The following TMEM273 variants were observed in gnomAD, a reference collection of about 807,000 sequenced individuals.
TMEM273 encodes the protein transmembrane protein 273, also known as chromosome 10 open reading frame 128.
Under a neutral mutation model 17.9 loss-of-function variants are expected in TMEM273, and 19 were observed. The ratio of observed to expected loss-of-function variants is 1.06; its 90% CI spans 0.74 to 1.55. The LOEUF is 1.55. Ranked by LOEUF, TMEM273 falls within the 40% of genes most tolerant of loss-of-function variation. The probability of loss-of-function intolerance (pLI) is 0.00; values close to 1 mark genes in which losing one functional copy is unlikely to be tolerated. For missense variants in TMEM273, 194 were observed against 155.6 expected (o/e 1.25, Z -1.31); for synonymous variants, 66 against 62.0 (o/e 1.07, Z -0.31).
At chr10:49,157,161 G>A (rs1845561243) in intron 6 of TMEM273, among the ~76,000 whole-genome samples, 2 of 152,228 alleles carry the variant, frequency 1.3e-5, no homozygotes. Context: ...GGCAGCCCAA[G>A]AGAGCAGCCT....
At chr10:49,173,869 C>T (rs961186465) in intron 1 of TMEM273, among the ~76,000 whole-genome samples, 3 of 152,100 alleles carry the variant, frequency 2.0e-5, no homozygotes, top group African/African-American at 4.8e-5. Flanking sequence ...CAAGGGGGGG[C>T]GATAGCGTTT....
chr10:49,165,905 C>G, intron 3 of TMEM273, 109 bp from the exon 4 acceptor site: 1 of 1,417,300 alleles, frequency 7.1e-7, no homozygotes, highest in Non-Finnish European at 9.9e-7. Context: ...CACGGTTGCC[C>G]TCGAGAGACC....
intron 1 of TMEM273, among the ~76,000 whole-genome samples, chr10:49,173,599 C>G (rs753772230): frequency 6.6e-6 from 1 of 152,208 alleles, no homozygotes; most frequent in Non-Finnish European, 1.5e-5. Flanking sequence ...ACCTCTCCCC[C>G]GCACTGTTGG....
chr10:49,186,116 A>AGAG, intron 1 of TMEM273, among the ~76,000 whole-genome samples: 1 of 143,614 alleles, frequency 7.0e-6, no homozygotes, highest in East Asian at 2.0e-4. Flanking sequence ...AAGAGGAAGA[A>AGAG]GAAGAAAAAG....
In TMEM273 at chr10:49,154,863, C is replaced by G. The variant is rs762464561; in HGVS notation, c.*1029G>C. The G allele has an allele frequency of 6.6e-6, 1 of 152,178 alleles. No individual in the cohort carries two copies. 9.4% of individuals were successfully genotyped at this position (152,178 alleles called of 1,614,324 possible). A position where few individuals can be genotyped will look rare whatever the true frequency, so the allele number is the denominator to read the frequency against. ...CATCGTTATCAAGTTGGGTAAGAGACGCCCTGGGAGTCCAGGCAAATCATG... is the reference window on the plus strand; with the variant it reads ...CATCGTTATCAAGTTGGGTAAGAGAGGCCCTGGGAGTCCAGGCAAATCATG... On this transcript the variant is annotated 3_prime_UTR_variant, in exon 7 of 7. Transcript: ENST00000374153.
intron 5 of TMEM273, among the ~76,000 whole-genome samples, chr10:49,163,620 T>C (rs1458773364): frequency 2.6e-5 from 4 of 152,122 alleles, no homozygotes; most frequent in Admixed American, 6.5e-5. Flanking sequence ...GGATGATAAG[T>C]TATATATCCT....
intron 1 of TMEM273, among the ~76,000 whole-genome samples, chr10:49,186,051 G>A (rs1256585205): frequency 1.4e-5 from 2 of 144,320 alleles, no homozygotes; most frequent in Non-Finnish European, 3.0e-5. Flanking sequence ...AGAAGAAGAA[G>A]AGGAAGAAGA....
intron 6 of TMEM273, among the ~76,000 whole-genome samples, chr10:49,156,638 T>C (rs768548311): frequency 1.2e-4 from 18 of 152,220 alleles, no homozygotes; most frequent in Non-Finnish European, 2.5e-4. Flanking sequence ...CCATTGTGTA[T>C]ATTCAGTCAC....
chr10:49,174,902 C>T lies in TMEM273; in HGVS notation c.44-6940G>A, dbSNP rs145578125. ...GGCAGTGATTAAGGAATTCCACATACGGCAGTCCCTGCTAATGCGTGAAAG... is the reference window on the plus strand; with the variant it reads ...GGCAGTGATTAAGGAATTCCACATATGGCAGTCCCTGCTAATGCGTGAAAG... On this transcript the variant is annotated intron_variant, in intron 1 of 6. Coordinates refer to ENST00000374153, the MANE Select transcript of TMEM273 (RefSeq NM_001288740.3). Among the ~76,000 whole-genome samples the T allele has an allele frequency of 1.1e-3, 170 of 152,208 alleles. 2 individuals are homozygous for T. In the East Asian group the frequency reaches 0.026, roughly 23 times the overall value.
chr10:49,164,756 C>A (rs987142592), intron 5 of TMEM273, among the ~76,000 whole-genome samples: 1 of 152,140 alleles, frequency 6.6e-6, no homozygotes, highest in Non-Finnish European at 1.5e-5. Flanking sequence ...TGAGGCTCCC[C>A]TGCACCTCCT....
chr10:49,173,797 T>G (rs1228707629), intron 1 of TMEM273, among the ~76,000 whole-genome samples: 1 of 152,066 alleles, frequency 6.6e-6, no homozygotes, highest in Non-Finnish European at 1.5e-5. Context: ...AGAGATAAGA[T>G]CTAGTGTAAG....
rs187523934 is a variant in TMEM273, at chr10:49,155,522, G to C, written c.*370C>G. On this transcript the variant is annotated 3_prime_UTR_variant, in exon 7 of 7. Coordinates refer to ENST00000374153, the MANE Select transcript of TMEM273 (RefSeq NM_001288740.3). ...GGCAGTGTGTAGGAAGCTGTGTGTT[G>C]GGTCGGATTCCCCTTTTCATGAGCC... The C allele has an allele frequency of 3.2e-4, 98 of 308,512 alleles. No homozygotes were observed. The highest frequency in any genetic ancestry group is 2.0e-3 in the African/African-American group (91 of 46,434). The allele number at this position is 308,512 out of a possible 1,614,324, so 19.1% of individuals were successfully genotyped here.
At chr10:49,185,926 C>T (rs560437848) in intron 1 of TMEM273, among the ~76,000 whole-genome samples, 7 of 150,872 alleles carry the variant, frequency 4.6e-5, no homozygotes, top group South Asian at 2.1e-4. Context: ...TGCGGTGAGC[C>T]GAGATCGCGC....
At chr10:49,170,728 G>A (rs1246172988) in intron 1 of TMEM273, among the ~76,000 whole-genome samples, 1 of 152,174 alleles carries the variant, frequency 6.6e-6, no homozygotes, top group Non-Finnish European at 1.5e-5. Context: ...CCTCCTCAGG[G>A]AGGGAAATCC....
At position 49,155,533 on chromosome 10, in the gene TMEM273, C is replaced by CGTAT; in HGVS notation, c.*358_*359insATAC. 6.0e-6 allele frequency: 2 copies of CGTAT among 331,942 alleles called. No individual in the cohort carries two copies. Among genetic ancestry groups the CGTAT allele is most frequent in the Non-Finnish European group, 1.1e-5 (2 of 179,932 alleles). The allele number at this position is 331,942 out of a possible 1,614,324, so 20.6% of individuals were successfully genotyped here. A position where few individuals can be genotyped will look rare whatever the true frequency, so the allele number is the denominator to read the frequency against. On this transcript the variant is annotated 3_prime_UTR_variant, in exon 7 of 7. Transcript: ENST00000374153. The stretch of plus-strand genomic sequence containing the variant: ...GGAAGCTGTGTGTTGGGTCGGATTC[C>CGTAT]CCTTTTCATGAGCCATTTTCTGTGG...
intron 1 of TMEM273, among the ~76,000 whole-genome samples, chr10:49,174,706 G>A (rs1846832502): frequency 6.6e-6 from 1 of 152,146 alleles, no homozygotes; most frequent in African/African-American, 2.4e-5. Context: ...GCAAAGCAGT[G>A]GTGGGGGGTG....
At chr10:49,168,677 G>T (rs1191503416) in intron 1 of TMEM273, among the ~76,000 whole-genome samples, 1 of 106,810 alleles carries the variant, frequency 9.4e-6, no homozygotes, top group Non-Finnish European at 1.8e-5. Flanking sequence ...AGGAAGAAAG[G>T]AAGGAAGGAA....
intron 6 of TMEM273, chr10:49,160,263 A>G (rs1845760834): frequency 6.6e-6 from 1 of 152,214 alleles, no homozygotes; most frequent in Admixed American, 6.5e-5. Context: ...GTAGAAATCT[A>G]GTGGTCACTC....
intron 1 of TMEM273, among the ~76,000 whole-genome samples, chr10:49,175,820 T>A (rs893019426): frequency 1.3e-5 from 2 of 151,716 alleles, no homozygotes; most frequent in Non-Finnish European, 2.9e-5. Context: ...AAGACGGGGG[T>A]TCTGGAACAA....
Sources: gnomAD v4.1 joint callset for allele counts (sites outside exome capture counted in the v4.1 genomes callset) on GRCh38, gnomAD v4.1.1 for gene constraint, MANE v1.5 for transcripts, NCBI Gene and HGNC (gene_info 2026-07-23, HGNC 2026-07-21) for gene names.